Variants in ACER1 observed in about 807,000 individuals in gnomAD.
ACER1 encodes CTB-180A7.3.
A neutral mutation model predicts 24.9 loss-of-function variants in ACER1; 28 were observed. That is an observed-to-expected ratio of 1.13 (90% CI 0.83 to 1.54). The LOEUF is 1.54. Ranked by LOEUF, ACER1 falls within the 40% of genes most tolerant of loss-of-function variation. The pLI is 0.00. For missense variants in ACER1, 352 were observed against 349.3 expected (o/e 1.01, Z -0.06); for synonymous variants, 132 against 131.4 (o/e 1.00, Z -0.03).
the ACER1 span, among the ~76,000 whole-genome samples, chr19:6,346,358 C>T: frequency 6.6e-6 from 1 of 152,032 alleles, no homozygotes; most frequent in East Asian, 1.9e-4. Flanking sequence ...TATGTCATTT[C>T]TACTGCCTCC....
In ACER1 at chr19:6,306,709, A is replaced by AG; in HGVS notation, c.*4dup. ...GTGGTTGGATAGTCAAGAGGCTGGCAGGTCTCAGCAGTCCTTGTCATCACC... is the reference window on the plus strand; with the variant it reads ...GTGGTTGGATAGTCAAGAGGCTGGCAGGGTCTCAGCAGTCCTTGTCATCACC... On this transcript the variant is annotated 3_prime_UTR_variant, in exon 6 of 6. Transcript: ENST00000301452. The AG allele has an allele frequency of 6.3e-7, 1 of 1,598,714 alleles. No individual in the cohort carries two copies. Among genetic ancestry groups the AG allele is most frequent in the Non-Finnish European group, 8.5e-7 (1 of 1,170,442 alleles).
At chr19:6,346,383 A>G in the ACER1 span, among the ~76,000 whole-genome samples, 2 of 151,982 alleles carry the variant, frequency 1.3e-5, no homozygotes, top group East Asian at 1.9e-4. Flanking sequence ...CCTAAATCCA[A>G]TAACCTCAAA....
rs1336678276 is a variant in ACER1, at chr19:6,306,821, T to C, written c.688A>G (p.Asn230Asp). The C allele has an allele frequency of 6.2e-7, 1 of 1,614,044 alleles. No homozygotes were observed. The highest frequency in any genetic ancestry group is 8.5e-7 in the Non-Finnish European group (1 of 1,180,028). The stretch of plus-strand genomic sequence containing the variant: ...AGGGTTTCACCTGGCATCTCATAGT[T>C]GGCATCCACCAAGGCCATGGTGACC... ...GMVTMALVDANYEMPGETLKV... is the reference protein window; with the variant it reads ...GMVTMALVDADYEMPGETLKV... The change falls in exon 6 of 6, where the codon AAC becomes GAC. Residue 230 changes from asparagine to aspartate, a missense_variant. Physicochemically the swap from Asn to Asp is conservative, Grantham distance 23. Coordinates refer to ENST00000301452, the MANE Select transcript of ACER1 (RefSeq NM_133492.3).
chr19:6,335,742 A>AATGG (rs2091711667), upstream of ACER1, among the ~76,000 whole-genome samples: 1 of 151,260 alleles, frequency 6.6e-6, no homozygotes, highest in African/African-American at 2.4e-5. Context: ...GAGGCAGGAG[A>AATGG]ATGGCATGAA....
the ACER1 span, among the ~76,000 whole-genome samples, chr19:6,357,751 A>G: frequency 2.7e-5 from 4 of 150,224 alleles, no homozygotes; most frequent in Non-Finnish European, 5.9e-5. Flanking sequence ...TGACAGAGTG[A>G]GACCCCGTCT....
chr19:6,337,598 C>T (rs182204132), upstream of ACER1, among the ~76,000 whole-genome samples: 38 of 142,414 alleles, frequency 2.7e-4, no homozygotes, highest in East Asian at 7.0e-3. Flanking sequence ...GGATTACAGG[C>T]GTGGACCACC....
In ACER1 at chr19:6,312,413, G is replaced by GT. The variant is rs1367748759; in HGVS notation, c.179dup (p.Tyr60Ter). 6.2e-7 allele frequency: 1 copy of GT among 1,613,988 alleles called. No individual in the cohort carries two copies. The highest frequency in any genetic ancestry group is 8.5e-7 in the Non-Finnish European group (1 of 1,179,986). Residue 60 changes from tyrosine (Y) to a stop codon, truncating the protein, a stop_gained and frameshift_variant, in exon 2 of 6, where the codon TAC (tyrosine) becomes TAAC (stop). Transcript: ENST00000301452. LOFTEE classifies it high-confidence loss of function. ...PYAQKRSRYI[Y>*]VVWVLFMIIG... ...TGATCATGAAGAGGACCCAGACAAC[G>GT]TAAATGTAGCGGGAGCGCTTCTGGG...
chr19:6,337,622 G>GTTTTCT (rs1216714033), upstream of ACER1, among the ~76,000 whole-genome samples: 22 of 103,204 alleles, frequency 2.1e-4, no homozygotes, highest in Admixed American at 4.5e-4. Context: ...CCTGGCCAAA[G>GTTTTCT]TTTTCTTTTT....
chr19:6,320,989 GTT>G (rs398059534), intron 1 of ACER1, among the ~76,000 whole-genome samples: 4 of 139,300 alleles, frequency 2.9e-5, no homozygotes. Flanking sequence ...GCTGTGGGTT[GTT>G]TTTTTTTTTT....
At position 6,324,076 on chromosome 19, in the gene ACER1, G is replaced by A. The variant is rs139476172; in HGVS notation, c.93+9383C>T. Among the ~76,000 whole-genome samples the A allele has an allele frequency of 7.9e-5, 12 of 152,148 alleles. No homozygotes were observed. The East Asian group carries it at 1.8e-3, about 22-fold the overall frequency. On this transcript the variant is annotated intron_variant, in intron 1 of 5. Coordinates refer to ENST00000301452, the MANE Select transcript of ACER1 (RefSeq NM_133492.3). The stretch of plus-strand genomic sequence containing the variant: ...TTTTTATTTTTTGAGACCAAGTCTC[G>A]CTGTGTCACCCAGGCTGGAGTGCAG...
chr19:6,346,870 C>T, the ACER1 span, among the ~76,000 whole-genome samples: 1 of 151,768 alleles, frequency 6.6e-6, no homozygotes, highest in South Asian at 2.1e-4. Flanking sequence ...CTGCCCACCC[C>T]CTTCTTTCCT....
chr19:6,320,217 G>A (rs982838036), intron 1 of ACER1, among the ~76,000 whole-genome samples: 3 of 151,970 alleles, frequency 2.0e-5, no homozygotes, highest in African/African-American at 7.2e-5. Flanking sequence ...GCAACACCTG[G>A]CCTCTGTCTC....
At chr19:6,347,109 A>AAAAAT in the ACER1 span, among the ~76,000 whole-genome samples, 29 of 113,778 alleles carry the variant, frequency 2.5e-4, no homozygotes, top group South Asian at 5.2e-4. Context: ...AAAAAAAAAA[A>AAAAAT]ATATATATAT....
At chr19:6,337,676 T>C (rs770537328), upstream of ACER1, among the ~76,000 whole-genome samples, 2,120 of 86,040 alleles carry the variant, frequency 0.025, 53 homozygotes, top group Non-Finnish European at 0.039. Context: ...TTTTTTTTTT[T>C]TTTTTTTTTT....
chr19:6,357,745 AGAGT>A, the ACER1 span, among the ~76,000 whole-genome samples: 1 of 151,194 alleles, frequency 6.6e-6, no homozygotes, highest in East Asian at 1.9e-4. Context: ...CCTGGATGAC[AGAGT>A]GAGACCCCGT....
chr19:6,322,805 C>T (rs1244318911), intron 1 of ACER1, among the ~76,000 whole-genome samples: 23 of 152,054 alleles, frequency 1.5e-4, no homozygotes, highest in Non-Finnish European at 1.2e-4. Context: ...CATGAGATCT[C>T]ATGGTTTTAA....
At chr19:6,359,071 A>G in the ACER1 span, among the ~76,000 whole-genome samples, 4 of 152,070 alleles carry the variant, frequency 2.6e-5, no homozygotes, top group Non-Finnish European at 5.9e-5. Context: ...GTCTCTACAA[A>G]AAATTTTAAA....
chr19:6,325,355 T>C (rs1257566154), intron 1 of ACER1, among the ~76,000 whole-genome samples: 1 of 152,136 alleles, frequency 6.6e-6, no homozygotes, highest in East Asian at 1.9e-4. Context: ...GCTGTGCTGT[T>C]CCACCTCAAG....
rs151165925 is a variant in ACER1 at position 6,307,207 on chromosome 19, C to G, written c.572G>C (p.Arg191Pro). 1.1e-5 allele frequency: 17 copies of G among 1,614,128 alleles called. No homozygotes were observed. In the Admixed American group the frequency reaches 2.3e-4, roughly 22 times the overall value. The change falls in exon 5 of 6, where the codon CGT (arginine) becomes CCT (proline). Residue 191 changes from arginine (R) to proline (P), a missense_variant. Coordinates refer to ENST00000301452, the MANE Select transcript of ACER1 (RefSeq NM_133492.3). ...CCTCTGCCAGAAGCTGCAAAGCAGACGGTCACTGATCCAGCTGGTCAGAGC... is the reference window on the plus strand; with the variant it reads ...CCTCTGCCAGAAGCTGCAAAGCAGAGGGTCACTGATCCAGCTGGTCAGAGC... ...AVALTSWISD[R>P]LLCSFWQRIH...
Sources: gnomAD v4.1 joint callset for allele counts (sites outside exome capture counted in the v4.1 genomes callset) on GRCh38, gnomAD v4.1.1 for gene constraint, MANE v1.5 for transcripts, NCBI Gene and HGNC (gene_info 2026-07-23, HGNC 2026-07-21) for gene names.